Variants in PTH2R observed in about 807,000 individuals in gnomAD.
The protein encoded by PTH2R is PTH2 receptor.
A neutral mutation model predicts 60.3 loss-of-function variants in PTH2R; 59 were observed. The ratio of observed to expected loss-of-function variants is 0.98; its 90% confidence interval spans 0.79 to 1.22. PTH2R has a LOEUF of 1.22. Among genes scored for constraint, PTH2R ranks in the 50% most tolerant of loss-of-function variants. The probability of loss-of-function intolerance (pLI) is 0.00; values close to 1 mark genes in which losing one functional copy is unlikely to be tolerated. For synonymous variants in PTH2R, 256 were observed against 243.8 expected, an observed-to-expected ratio of 1.05 and a Z score of -0.47; for missense variants, 749 against 682.6, an observed-to-expected ratio of 1.10 and a Z score of -1.08.
At chr2:208,457,275 G>A (rs893276947) in intron 8 of PTH2R, among the ~76,000 whole-genome samples, 14 of 152,090 alleles carry the variant, frequency 9.2e-5, no homozygotes, top group Non-Finnish European at 1.5e-4. Flanking sequence ...TTTCTTGTCT[G>A]GTTAAATAAT....
At position 208,389,399 on chromosome 2, in the gene PTH2R, G is replaced by A. The variant is rs145824029; in HGVS notation, c.-259+29162G>A. On this transcript the variant is annotated intron_variant, in intron 1 of 12. Transcript: ENST00000617735. Reference sequence around the variant, plus strand: ...CACAATTGTTATGCTTAATTAACTCGATCAATTGTGGATTACTGCCAGTTA... The same window carrying A: ...CACAATTGTTATGCTTAATTAACTCAATCAATTGTGGATTACTGCCAGTTA... 3.5e-3 allele frequency among the ~76,000 whole-genome samples: 531 copies of A among 152,088 alleles called. 1 individual carries two copies. Among genetic ancestry groups the A allele is most frequent in the Admixed American group, 5.6e-3 (86 of 15,284 alleles).
rs139822862 is a variant in PTH2R at position 208,368,523 on chromosome 2, GTTTTTGT to G, written c.-259+8300_-259+8306del. ...ACTAACCCTTAACTGTTTTTTTTTTGTTTTTGTTTTTTGTTTTTTGACAATTCTGGCA... is the reference window on the plus strand; with the variant it reads ...ACTAACCCTTAACTGTTTTTTTTTTGTTTTTGTTTTTTGACAATTCTGGCA... On this transcript the variant is annotated intron_variant, in intron 1 of 12. Coordinates refer to the PTH2R transcript ENST00000617735. Among the ~76,000 whole-genome samples the G allele has an allele frequency of 3.5e-3, 514 of 148,544 alleles. 3 individuals are homozygous for G. The highest frequency in any genetic ancestry group is 0.012 in the African/African-American group (494 of 39,740).
At chr2:208,476,270 G>A (rs894875662) in intron 9 of PTH2R, among the ~76,000 whole-genome samples, 1 of 152,106 alleles carries the variant, frequency 6.6e-6, no homozygotes, top group African/African-American at 2.4e-5. Context: ...GACTAGGAAG[G>A]AAGGAATTTT....
intron 1 of PTH2R, among the ~76,000 whole-genome samples, chr2:208,408,748 G>A (rs1016875348): frequency 2.0e-5 from 3 of 151,322 alleles, no homozygotes; most frequent in Non-Finnish European, 4.4e-5. Flanking sequence ...GAAAGAGAGA[G>A]AGAGAGAGAG....
At chr2:208,371,456 C>T (rs1211753952) in intron 1 of PTH2R, among the ~76,000 whole-genome samples, 1 of 152,068 alleles carries the variant, frequency 6.6e-6, no homozygotes, top group Non-Finnish European at 1.5e-5. Flanking sequence ...AAACCCTTAC[C>T]ACTGGCTGTT....
chr2:208,464,029 G>T (rs1702686832), intron 9 of PTH2R, among the ~76,000 whole-genome samples: 1 of 152,174 alleles, frequency 6.6e-6, no homozygotes, highest in South Asian at 2.1e-4. Flanking sequence ...AACTCTTGTT[G>T]GTAGGAGTAG....
At chr2:208,488,985 A>AT (rs1384534825) in intron 10 of PTH2R, 27 bp from the exon 11 acceptor site, 2 of 1,612,514 alleles carry the variant, frequency 1.2e-6, no homozygotes, top group Admixed American at 3.3e-5. Context: ...TAGTTAATGA[A>AT]TGAAAAGACT....
At chr2:208,394,518 A>T (rs796684883) in intron 1 of PTH2R, among the ~76,000 whole-genome samples, 2 of 152,194 alleles carry the variant, frequency 1.3e-5, no homozygotes, top group South Asian at 2.1e-4. Context: ...TGCAGGCATG[A>T]CCCTCTAAGC....
At chr2:208,487,546 A>T (rs376048689) in intron 10 of PTH2R, among the ~76,000 whole-genome samples, 2 of 152,220 alleles carry the variant, frequency 1.3e-5, no homozygotes, top group African/African-American at 4.8e-5. Context: ...AGAAAATAGT[A>T]TGCTTGAGGG....
intron 9 of PTH2R, among the ~76,000 whole-genome samples, chr2:208,471,141 C>G (rs563972169): frequency 6.6e-6 from 1 of 152,198 alleles, no homozygotes; most frequent in East Asian, 1.9e-4. Context: ...AAAAGGGAAA[C>G]AGAGCATAAA....
rs192400093 is a variant in PTH2R at position 208,432,146 on chromosome 2, T to C, written c.178+3843T>C. On this transcript the variant is annotated intron_variant, in intron 2 of 12. Transcript: ENST00000272847. Reference sequence around the variant, plus strand: ...ATCTGTGATGGCTGATAAGCTGTTTTCTGTGAAATCTTATAAACTGTTGAG... The same window carrying C: ...ATCTGTGATGGCTGATAAGCTGTTTCCTGTGAAATCTTATAAACTGTTGAG... Among the ~76,000 whole-genome samples the C allele has an allele frequency of 7.0e-4, 107 of 152,366 alleles. 1 individual carries two copies. Among genetic ancestry groups the C allele is most frequent in the Admixed American group, 3.1e-3 (47 of 15,304 alleles).
At chr2:208,372,631 T>A in intron 1 of PTH2R, among the ~76,000 whole-genome samples, 1 of 151,958 alleles carries the variant, frequency 6.6e-6, no homozygotes, top group East Asian at 1.9e-4. Flanking sequence ...CTAGGGCATG[T>A]CAACTAAAAA....
chr2:208,420,494 C>T (rs946856866), intron 1 of PTH2R, among the ~76,000 whole-genome samples: 1 of 151,910 alleles, frequency 6.6e-6, no homozygotes, highest in African/African-American at 2.4e-5. Context: ...TATATTTGAC[C>T]TTACTTTAGC....
At chr2:208,378,800 G>A (rs545296889) in intron 1 of PTH2R, among the ~76,000 whole-genome samples, 1 of 152,238 alleles carries the variant, frequency 6.6e-6, no homozygotes, top group Admixed American at 6.5e-5. Context: ...AGCCTGAATG[G>A]ACTCAGGCGG....
chr2:208,486,017 C>G (rs1703265995), intron 10 of PTH2R, among the ~76,000 whole-genome samples: 1 of 152,110 alleles, frequency 6.6e-6, no homozygotes, highest in African/African-American at 2.4e-5. Flanking sequence ...CAAAAAACAG[C>G]CCCGCAACTG....
chr2:208,474,424 T>A (rs1174272583), intron 9 of PTH2R, among the ~76,000 whole-genome samples: 1 of 152,162 alleles, frequency 6.6e-6, no homozygotes, highest in African/African-American at 2.4e-5. Context: ...CCAAACTCTG[T>A]CTGGAGGGCT....
intron 9 of PTH2R, among the ~76,000 whole-genome samples, chr2:208,471,788 T>G (rs1702887443): frequency 1.3e-5 from 2 of 152,126 alleles, no homozygotes; most frequent in African/African-American, 4.8e-5. Flanking sequence ...ACCAACAACT[T>G]GCACCATGTG....
rs141069363 is a variant in PTH2R at position 208,444,867 on chromosome 2, G to C, written c.833G>C (p.Gly278Ala). The C allele has an allele frequency of 6.2e-7, 1 of 1,613,244 alleles. No homozygotes were observed. The highest frequency in any genetic ancestry group is 2.2e-5 in the East Asian group (1 of 44,802). Reference protein sequence around the residue: ...AFFSDTKYLWGFILIGWGFPA... With the variant: ...AFFSDTKYLWAFILIGWGFPA... ...TTTTCGGACACCAAATACCTGTGGGGCTTCATCTTGATAGGCTGGGGTAAG... is the reference window on the plus strand; with the variant it reads ...TTTTCGGACACCAAATACCTGTGGGCCTTCATCTTGATAGGCTGGGGTAAG... The change falls in exon 7 of 13, where the codon GGC (glycine) becomes GCC (alanine). Residue 278 changes from glycine to alanine, a missense_variant. Physicochemically the swap from Gly to Ala is moderately conservative, Grantham distance 60. Coordinates refer to ENST00000272847, the MANE Select transcript of PTH2R (RefSeq NM_005048.4).
intron 1 of PTH2R, among the ~76,000 whole-genome samples, chr2:208,378,425 A>G (rs973248635): frequency 6.6e-6 from 1 of 152,078 alleles, no homozygotes; most frequent in South Asian, 2.1e-4. Flanking sequence ...CTCTTTCAAT[A>G]TGTAAGGTAA....
Sources: allele counts gnomAD v4.1 joint callset (sites outside exome capture counted in the v4.1 genomes callset), GRCh38; gene constraint gnomAD v4.1.1; transcripts MANE v1.5; gene names NCBI Gene and HGNC (gene_info 2026-07-23, HGNC 2026-07-21).